EEFSEC: variants seen among roughly 807,000 people sequenced by gnomAD.
The protein encoded by EEFSEC is eukaryotic elongation factor, selenocysteine-tRNA specific, also known as selenocysteine-specific elongation factor.
Under a neutral mutation model 42.1 loss-of-function variants are expected in EEFSEC, and 43 were observed. The observed-to-expected ratio is 1.02, with a 90% CI of 0.80 to 1.32. The LOEUF is 1.32. Among genes scored for constraint, EEFSEC ranks in the 40% most tolerant of loss-of-function variants. The pLI is 0.00. For missense variants in EEFSEC, 745 were observed against 803.6 expected (o/e 0.93, Z 0.88); for synonymous variants, 354 against 339.1 (o/e 1.04, Z -0.48).
At chr3:128,423,229 C>A in the EEFSEC span, among the ~76,000 whole-genome samples, 1 of 152,174 alleles carries the variant, frequency 6.6e-6, no homozygotes, top group Non-Finnish European at 1.5e-5. Context: ...AAAATGGAAG[C>A]AACCCTGTTT....
intron 5 of EEFSEC, among the ~76,000 whole-genome samples, chr3:128,354,141 C>T (rs532588396): frequency 2.0e-5 from 3 of 152,220 alleles, no homozygotes; most frequent in South Asian, 2.1e-4. Flanking sequence ...CCAGCACTCT[C>T]GAGACCACAC....
At chr3:128,330,443 A>T (rs1234802110) in intron 4 of EEFSEC, among the ~76,000 whole-genome samples, 1 of 152,204 alleles carries the variant, frequency 6.6e-6, no homozygotes, top group Non-Finnish European at 1.5e-5. Context: ...AGGAAACAAC[A>T]GAGCGCACAG....
intron 6 of EEFSEC, 130 bp from the exon 7 acceptor site, chr3:128,407,939 C>A: frequency 1.2e-6 from 1 of 836,888 alleles, no homozygotes; most frequent in Non-Finnish European, 1.8e-6. Context: ...GAATGGACCA[C>A]AGGCCTCAGG....
intron 6 of EEFSEC, among the ~76,000 whole-genome samples, chr3:128,397,110 G>A (rs2067990334): frequency 6.6e-6 from 1 of 152,234 alleles, no homozygotes; most frequent in Non-Finnish European, 1.5e-5. Context: ...CCCTGGGCCT[G>A]GGAGATGCTG....
At chr3:128,200,459 C>T (rs1361938374) in intron 1 of EEFSEC, among the ~76,000 whole-genome samples, 4 of 152,022 alleles carry the variant, frequency 2.6e-5, no homozygotes, top group Non-Finnish European at 5.9e-5. Flanking sequence ...CGGCTAATTT[C>T]GTATTTTTAG....
At chr3:128,267,867 A>G (rs553080645) in intron 4 of EEFSEC, among the ~76,000 whole-genome samples, 10 of 152,342 alleles carry the variant, frequency 6.6e-5, no homozygotes, top group East Asian at 1.9e-4. Flanking sequence ...CTTGATGTAT[A>G]TAAGAGACCC....
At chr3:128,244,473 T>G (rs78884057) in intron 1 of EEFSEC, among the ~76,000 whole-genome samples, 1 of 104,206 alleles carries the variant, frequency 9.6e-6, no homozygotes, top group African/African-American at 3.3e-5. Context: ...TGGGGAGTCT[T>G]TTTTTTTTTT....
intron 6 of EEFSEC, chr3:128,367,719 G>A (rs2067606719): frequency 1.0e-6 from 1 of 985,416 alleles, no homozygotes; most frequent in Non-Finnish European, 1.2e-6. Context: ...GATGAGTGAA[G>A]CACCACAGTT....
intron 1 of EEFSEC, among the ~76,000 whole-genome samples, chr3:128,199,699 C>G (rs954785877): frequency 2.0e-5 from 3 of 152,002 alleles, no homozygotes; most frequent in African/African-American, 7.2e-5. Context: ...AATTGCCCCT[C>G]CCTGCAAAAA....
chr3:128,244,745 C>T (rs897913208), intron 1 of EEFSEC, among the ~76,000 whole-genome samples: 2 of 152,242 alleles, frequency 1.3e-5, no homozygotes, highest in Admixed American at 6.5e-5. Flanking sequence ...GAAGCAAATA[C>T]TTATGCAGTA....
chr3:128,182,888 G>C (rs1251720701), intron 1 of EEFSEC, among the ~76,000 whole-genome samples: 2 of 145,618 alleles, frequency 1.4e-5, no homozygotes, highest in African/African-American at 2.6e-5. Context: ...CGGGGCGGGG[G>C]GGTGGGGTGG....
At chr3:128,272,443 C>T (rs1391468428) in intron 4 of EEFSEC, among the ~76,000 whole-genome samples, 2 of 152,154 alleles carry the variant, frequency 1.3e-5, no homozygotes, top group South Asian at 2.1e-4. Context: ...CGCCTGGACT[C>T]AGGGGCTGAA....
At chr3:128,404,676 G>A (rs895373033) in intron 6 of EEFSEC, among the ~76,000 whole-genome samples, 2 of 152,226 alleles carry the variant, frequency 1.3e-5, no homozygotes, top group African/African-American at 4.8e-5. Context: ...CCCACACTCT[G>A]TGCCCCATCC....
chr3:128,256,986 C>T lies in EEFSEC; in HGVS notation c.525-5142C>T, dbSNP rs549689274. Reference sequence around the variant, plus strand: ...TATAGAACTCCTGGCCTCAAGTGATCCTCCTGCCTCTGCCTCCCAAAGTGC... The same window carrying T: ...TATAGAACTCCTGGCCTCAAGTGATTCTCCTGCCTCTGCCTCCCAAAGTGC... On this transcript the variant is annotated intron_variant, in intron 2 of 6. Transcript: ENST00000254730. Among the ~76,000 whole-genome samples the T allele has an allele frequency of 1.2e-4, 18 of 152,248 alleles. No homozygotes were observed. In the East Asian group the frequency reaches 3.5e-3, roughly 29 times the overall value.
intron 4 of EEFSEC, among the ~76,000 whole-genome samples, chr3:128,265,338 A>G (rs931533362): frequency 1.8e-4 from 27 of 152,274 alleles, no homozygotes; most frequent in Middle Eastern, 3.4e-3. Flanking sequence ...TCTTCTGAAG[A>G]CCTGTGAGAA....
intron 4 of EEFSEC, among the ~76,000 whole-genome samples, chr3:128,315,294 C>A (rs950524476): frequency 3.3e-5 from 5 of 152,114 alleles, no homozygotes. Context: ...GTGCTCCATG[C>A]ATGTCAGATA....
chr3:128,248,112 T>G (rs2066146322), intron 2 of EEFSEC, among the ~76,000 whole-genome samples: 1 of 152,222 alleles, frequency 6.6e-6, no homozygotes, highest in Non-Finnish European at 1.5e-5. Context: ...AATGTCCTTG[T>G]TGAGCACAGT....
At chr3:128,172,378 A>T (rs1162007017) in intron 1 of EEFSEC, among the ~76,000 whole-genome samples, 1 of 152,230 alleles carries the variant, frequency 6.6e-6, no homozygotes, top group Admixed American at 6.5e-5. Context: ...TGCACCTCAA[A>T]TGCAGATGAT....
Position 128,275,406 on chromosome 3 carries a change from T to C in EEFSEC, c.786+10625T>C, listed in dbSNP as rs568565024. ...ATGAAAGTGTGGCCATGCAGGGCTG[T>C]GTGACCTCAGCTTGCACACCCATGA... On this transcript the variant is annotated intron_variant, in intron 4 of 6. Coordinates refer to ENST00000254730, the MANE Select transcript of EEFSEC (RefSeq NM_021937.5). 4.6e-5 allele frequency among the ~76,000 whole-genome samples: 7 copies of C among 152,328 alleles called. No homozygotes were observed. The South Asian group carries it at 1.4e-3, about 32-fold the overall frequency.
Sources: allele counts gnomAD v4.1 joint callset (sites outside exome capture counted in the v4.1 genomes callset), GRCh38; gene constraint gnomAD v4.1.1; transcripts MANE v1.5; gene names NCBI Gene and HGNC (gene_info 2026-07-23, HGNC 2026-07-21).